QSER1: variants seen among roughly 807,000 people sequenced by gnomAD.
The protein encoded by QSER1 is glutamine and serine rich 1.
A neutral mutation model predicts 158.5 loss-of-function variants in QSER1; 49 were observed. The observed-to-expected ratio is 0.31, with a 90% confidence interval of 0.25 to 0.39. QSER1 has a LOEUF of 0.39. QSER1 is among the 10% of genes least tolerant of loss of function. The pLI, the probability that QSER1 is intolerant of heterozygous loss-of-function variation, is 1.00. For missense variants in QSER1, 1,754 were observed against 2,010.3 expected (o/e 0.87, Z 2.44); for synonymous variants, 650 against 715.5 (o/e 0.91, Z 1.46).
At chr11:32,975,148 TCA>T in intron 11 of QSER1, 98 bp from the exon 12 acceptor site, 1 of 739,944 alleles carries the variant, frequency 1.4e-6, no homozygotes, top group Non-Finnish European at 2.1e-6. Context: ...TATGTCATTT[TCA>T]ACATTGCCAT....
At position 32,979,039 on chromosome 11, in the gene QSER1, ATACTG is replaced by A. The variant is rs1398503597; in HGVS notation, c.*2568_*2572del. On this transcript the variant is annotated 3_prime_UTR_variant, in exon 13 of 13. Coordinates refer to ENST00000650167, the MANE Select transcript of QSER1 (RefSeq NM_001076786.3). ...CCTGTACAGCATGTTACTGTACTGA[ATACTG>A]TAGGCAGTTGTAACACAATGGTATT... 6.6e-6 allele frequency: 1 copy of A among 152,260 alleles called. No homozygotes were observed. Among genetic ancestry groups the A allele is most frequent in the African/African-American group, 2.4e-5 (1 of 41,462 alleles). 9.4% of individuals were successfully genotyped at this position (152,260 alleles called of 1,614,324 possible). A position where few individuals can be genotyped will look rare whatever the true frequency, so the allele number is the denominator to read the frequency against.
intron 4 of QSER1, among the ~76,000 whole-genome samples, chr11:32,939,867 G>T (rs1432003638): frequency 6.6e-6 from 1 of 151,664 alleles, no homozygotes; most frequent in East Asian, 1.9e-4. Flanking sequence ...CCATTCTCCA[G>T]CTCCCTTTTC....
At position 32,935,433 on chromosome 11, in the gene QSER1, C is replaced by T. The variant is rs746511319; in HGVS notation, c.4175C>T (p.Thr1392Ile). 1 of 1,494,632 alleles carries T rather than the reference C, an allele frequency of 6.7e-7. No homozygotes were observed. The highest frequency in any genetic ancestry group is 8.9e-7 in the Non-Finnish European group (1 of 1,128,214). The allele number at this position is 1,494,632 out of a possible 1,614,324, so 92.6% of individuals were successfully genotyped here. A position where few individuals can be genotyped will look rare whatever the true frequency, so the allele number is the denominator to read the frequency against. ...GCTACTTCTGATAAAAAGAAGAAAA[C>T]AGGTAAAGTTTTACAATTTAGATTC... ...LDATSDKKKK[T>I]EALQVATTSP... Residue 1392 changes from threonine (T) to isoleucine (I), a missense_variant and splice_region_variant, in exon 4 of 13, where the codon ACA (threonine) becomes ATA (isoleucine). Thr to Ile is a moderately conservative substitution (Grantham distance 89). Transcript: ENST00000650167.
intron 1 of QSER1, among the ~76,000 whole-genome samples, chr11:32,917,041 C>T (rs933348258): frequency 6.6e-6 from 1 of 152,214 alleles, no homozygotes; most frequent in Non-Finnish European, 1.5e-5. Flanking sequence ...CCCACCTCGG[C>T]CTCCCGCAGT....
intron 8 of QSER1, among the ~76,000 whole-genome samples, chr11:32,965,944 A>ACACACAC (rs1852735416): frequency 2.4e-5 from 3 of 123,520 alleles, no homozygotes; most frequent in Non-Finnish European, 3.3e-5. Context: ...TCTGTCTCAA[A>ACACACAC]ACACACACAC....
At chr11:32,949,402 T>A (rs78327710) in intron 4 of QSER1, among the ~76,000 whole-genome samples, 2,960 of 152,286 alleles carry the variant, frequency 0.019, 45 homozygotes, top group South Asian at 0.038. Context: ...AGTTTTTATA[T>A]CAATAAAAGT....
chr11:32,967,979 G>A (rs1171983713), intron 9 of QSER1, among the ~76,000 whole-genome samples: 2 of 152,086 alleles, frequency 1.3e-5, no homozygotes, highest in Non-Finnish European at 2.9e-5. Flanking sequence ...CTAATCCCAG[G>A]TCAGCATTTT....
At chr11:32,960,838 G>T (rs1852610672) in intron 8 of QSER1, among the ~76,000 whole-genome samples, 1 of 152,128 alleles carries the variant, frequency 6.6e-6, no homozygotes, top group Non-Finnish European at 1.5e-5. Flanking sequence ...TCAGGCTAAA[G>T]AATGTATTTA....
At chr11:32,952,516 A>G (rs1237189941) in intron 4 of QSER1, among the ~76,000 whole-genome samples, 1 of 152,060 alleles carries the variant, frequency 6.6e-6, no homozygotes, top group Non-Finnish European at 1.5e-5. Context: ...CTAGTATTTC[A>G]TTGTGGGTTT....
chr11:32,913,315 C>T (rs1397588320), intron 1 of QSER1, among the ~76,000 whole-genome samples: 5 of 151,266 alleles, frequency 3.3e-5, no homozygotes, highest in Admixed American at 6.6e-5. Flanking sequence ...CTCAGCCTCC[C>T]GAGTAGCTGG....
At chr11:32,929,977 A>G (rs957279788) in intron 3 of QSER1, among the ~76,000 whole-genome samples, 2 of 152,212 alleles carry the variant, frequency 1.3e-5, no homozygotes, top group African/African-American at 2.4e-5. Flanking sequence ...CATAACTGTG[A>G]TAATGTCAGT....
intron 1 of QSER1, among the ~76,000 whole-genome samples, chr11:32,903,195 A>G (rs950873508): frequency 1.3e-5 from 2 of 152,036 alleles, no homozygotes; most frequent in Non-Finnish European, 2.9e-5. Context: ...AAGTTTTTGC[A>G]GAAAACTTGG....
At chr11:32,928,678 A>G (rs945940620) in intron 3 of QSER1, among the ~76,000 whole-genome samples, 19 of 152,038 alleles carry the variant, frequency 1.2e-4, no homozygotes, top group African/African-American at 4.1e-4. Flanking sequence ...TTATATCTAT[A>G]TATTTCTGTT....
At chr11:32,921,164 A>T (rs774577804) in intron 1 of QSER1, among the ~76,000 whole-genome samples, 8 of 152,212 alleles carry the variant, frequency 5.3e-5, no homozygotes, top group Non-Finnish European at 1.2e-4. Flanking sequence ...ATTCAGCCCT[A>T]AAAAGGAATG....
rs372918831 is a variant in QSER1, at chr11:32,931,780, T to G, written c.522T>G (p.Thr174=). 1.9e-6 allele frequency: 3 copies of G among 1,612,624 alleles called. No homozygotes were observed. The highest frequency in any genetic ancestry group is 2.2e-5 in the South Asian group (2 of 90,688). ...CAGCAGCAACTGAGCTGTTTGCTAC[T>G]GGACCTTTGCCAAGCACTGGAACAC... ...HSSAATELFA[T]GPLPSTGTLP... The change falls in exon 4 of 13, where the codon ACT becomes ACG. Residue 174 remains threonine (T), a synonymous_variant. Transcript: ENST00000650167.
At chr11:32,968,566 C>G (rs560273425) in intron 9 of QSER1, among the ~76,000 whole-genome samples, 2 of 152,188 alleles carry the variant, frequency 1.3e-5, no homozygotes, top group African/African-American at 2.4e-5. Context: ...TTTTCTTCCC[C>G]TACTTTTTCT....
rs1300458323 is a variant in QSER1 at position 32,977,551 on chromosome 11, T to C, written c.*1077T>C. 2 of 152,648 alleles carry C rather than the reference T, an allele frequency of 1.3e-5. No homozygotes were observed. The highest frequency in any genetic ancestry group is 2.4e-5 in the African/African-American group (1 of 41,462). 9.5% of individuals were successfully genotyped at this position (152,648 alleles called of 1,614,324 possible). A position where few individuals can be genotyped will look rare whatever the true frequency, so the allele number is the denominator to read the frequency against. On this transcript the variant is annotated 3_prime_UTR_variant, in exon 13 of 13. Coordinates refer to ENST00000650167, the MANE Select transcript of QSER1 (RefSeq NM_001076786.3). ...TGAAGAATAAAACTGATAATTAGAC[T>C]ATTTGCAGTGTTAAACACAGCTTCC...
chr11:32,949,158 T>G (rs1366545048), intron 4 of QSER1, among the ~76,000 whole-genome samples: 1 of 152,160 alleles, frequency 6.6e-6, no homozygotes, highest in Non-Finnish European at 1.5e-5. Flanking sequence ...TTCATTCTTG[T>G]ATCTCATAGC....
chr11:32,906,270 A>T (rs1851691729), intron 1 of QSER1, among the ~76,000 whole-genome samples: 1 of 152,026 alleles, frequency 6.6e-6, no homozygotes, highest in African/African-American at 2.4e-5. Flanking sequence ...TGAAAATACA[A>T]AATTAGCCAG....
Sources: allele counts gnomAD v4.1 joint callset (sites outside exome capture counted in the v4.1 genomes callset), GRCh38; gene constraint gnomAD v4.1.1; transcripts MANE v1.5; gene names NCBI Gene and HGNC (gene_info 2026-07-23, HGNC 2026-07-21).